CNTN5: variants seen among roughly 807,000 people sequenced by gnomAD.
CNTN5 encodes the protein contactin 5.
Under a neutral mutation model 129.1 loss-of-function variants are expected in CNTN5, and 77 were observed. That is an observed-to-expected ratio of 0.60 (90% confidence interval 0.50 to 0.72). CNTN5 has a LOEUF of 0.72. CNTN5 is among the 30% of genes least tolerant of loss of function. The probability of loss-of-function intolerance (pLI) is 0.00; values close to 1 mark genes in which losing one functional copy is unlikely to be tolerated. For synonymous variants in CNTN5, 509 were observed against 465.6 expected (o/e 1.09, Z -1.20); for missense variants, 1,478 against 1,328.8 (o/e 1.11, Z -1.75).
In CNTN5 at chr11:99,702,024, G is replaced by A. The variant is rs533493895; in HGVS notation, c.56-117520G>A. Among the ~76,000 whole-genome samples, 3 of 151,030 alleles carry A rather than the reference G, an allele frequency of 2.0e-5. No homozygotes were observed. In the East Asian group the frequency reaches 5.8e-4, roughly 29 times the overall value. On this transcript the variant is annotated intron_variant, in intron 3 of 24. Coordinates refer to ENST00000524871, the MANE Select transcript of CNTN5 (RefSeq NM_014361.4). ...CAGTCACAGTCCTTATTTATTTACT[G>A]CATTTTTGTGAGTTTTTGTTAATCA...
intron 1 of CNTN5, among the ~76,000 whole-genome samples, chr11:99,064,860 C>A (rs1427396730): frequency 6.6e-6 from 1 of 151,806 alleles, no homozygotes; most frequent in African/African-American, 2.4e-5. Flanking sequence ...TTAAAAATTA[C>A]CTTACAATTT....
In CNTN5 at chr11:99,727,556, A is replaced by G. The variant is rs569498789; in HGVS notation, c.56-91988A>G. On this transcript the variant is annotated intron_variant, in intron 3 of 24. Coordinates refer to ENST00000524871, the MANE Select transcript of CNTN5 (RefSeq NM_014361.4). ...AAGCATCAAATTTTCCTGGAACTCT[A>G]TATTTCCCATTTCCAAGTAGAACTT... Among the ~76,000 whole-genome samples, 33 of 151,982 alleles carry G rather than the reference A, an allele frequency of 2.2e-4. No individual in the cohort carries two copies. In the South Asian group the frequency reaches 5.8e-3, roughly 27 times the overall value.
At chr11:99,876,327 A>G (rs534681848) in intron 6 of CNTN5, among the ~76,000 whole-genome samples, 278 of 152,204 alleles carry the variant, frequency 1.8e-3, no homozygotes, top group African/African-American at 5.8e-3. Context: ...TCCGCTAACT[A>G]TACCTTTGTA....
intron 1 of CNTN5, among the ~76,000 whole-genome samples, chr11:99,081,295 A>T (rs1028805689): frequency 6.6e-5 from 10 of 152,062 alleles, no homozygotes; most frequent in Non-Finnish European, 1.5e-5. Context: ...TTCACAATTA[A>T]CTGTGGAGCT....
chr11:99,854,920 G>C (rs1444177335), intron 6 of CNTN5, among the ~76,000 whole-genome samples: 1 of 152,176 alleles, frequency 6.6e-6, no homozygotes, highest in Non-Finnish European at 1.5e-5. Context: ...TAGTGAAAGA[G>C]AGAAGAAAGG....
At chr11:99,055,945 G>T (rs992867381) in intron 1 of CNTN5, among the ~76,000 whole-genome samples, 1 of 151,772 alleles carries the variant, frequency 6.6e-6, no homozygotes, top group African/African-American at 2.4e-5. Flanking sequence ...CAATTTCAAG[G>T]CTTGCATGCT....
At chr11:99,886,208 T>G (rs1948898160) in intron 6 of CNTN5, among the ~76,000 whole-genome samples, 1 of 152,028 alleles carries the variant, frequency 6.6e-6, no homozygotes. Context: ...CATATTCAGT[T>G]GCATTCATAT....
At chr11:99,346,346 T>C (rs1043364696) in intron 2 of CNTN5, among the ~76,000 whole-genome samples, 5 of 152,250 alleles carry the variant, frequency 3.3e-5, no homozygotes, top group Admixed American at 2.6e-4. Context: ...AAAGTGTCTA[T>C]ATGGTATTGC....
At chr11:100,089,100 T>C (rs943692740) in intron 13 of CNTN5, among the ~76,000 whole-genome samples, 1 of 152,186 alleles carries the variant, frequency 6.6e-6, no homozygotes, top group African/African-American at 2.4e-5. Context: ...ATAAATGTGA[T>C]TCATATGTTT....
intron 1 of CNTN5, among the ~76,000 whole-genome samples, chr11:99,211,844 A>G (rs917729224): frequency 6.6e-6 from 1 of 152,152 alleles, no homozygotes; most frequent in Non-Finnish European, 1.5e-5. Context: ...TTTTTAAAAA[A>G]GTTATCTTCT....
chr11:99,654,263 C>A (rs746368618), intron 3 of CNTN5, among the ~76,000 whole-genome samples: 15 of 152,018 alleles, frequency 9.9e-5, no homozygotes, highest in Non-Finnish European at 2.1e-4. Context: ...ATTTATGGAG[C>A]TAAAATATAT....
chr11:100,256,056 G>C, intron 17 of CNTN5, 138 bp downstream of exon 17: 2 of 780,938 alleles, frequency 2.6e-6, no homozygotes, highest in South Asian at 4.4e-5. Flanking sequence ...ACAATTCTTT[G>C]CTTCTTTTTA....
At chr11:99,311,794 G>C (rs1032469884) in intron 1 of CNTN5, among the ~76,000 whole-genome samples, 1 of 152,088 alleles carries the variant, frequency 6.6e-6, no homozygotes, top group Non-Finnish European at 1.5e-5. Flanking sequence ...TATTAATTGT[G>C]TATATAATAT....
chr11:99,973,052 A>T (rs990563557), intron 8 of CNTN5, among the ~76,000 whole-genome samples: 1 of 152,028 alleles, frequency 6.6e-6, no homozygotes, highest in Non-Finnish European at 1.5e-5. Context: ...GGTTGCCTAA[A>T]AAAAGGTGAA....
intron 1 of CNTN5, among the ~76,000 whole-genome samples, chr11:99,033,917 G>C (rs1279547182): frequency 6.6e-6 from 1 of 150,618 alleles, no homozygotes; most frequent in African/African-American, 2.4e-5. Flanking sequence ...GTCATAGATA[G>C]CTCTTATTAT....
At chr11:99,825,755 T>C (rs1210925600) in intron 4 of CNTN5, among the ~76,000 whole-genome samples, 1 of 152,140 alleles carries the variant, frequency 6.6e-6, no homozygotes, top group Non-Finnish European at 1.5e-5. Context: ...TCAATCTAGT[T>C]GTTATTTCCT....
At chr11:100,152,059 G>T (rs1947079408) in intron 13 of CNTN5, among the ~76,000 whole-genome samples, 1 of 152,112 alleles carries the variant, frequency 6.6e-6, no homozygotes, top group Non-Finnish European at 1.5e-5. Flanking sequence ...ATTCCTGGAG[G>T]AAATAAGCAA....
intron 6 of CNTN5, 143 bp from the exon 7 acceptor site, chr11:99,915,911 A>G: frequency 1.6e-6 from 1 of 618,538 alleles, no homozygotes; most frequent in Admixed American, 2.7e-5. Flanking sequence ...TGATGTAGAT[A>G]TATGTTAAAG....
intron 2 of CNTN5, among the ~76,000 whole-genome samples, chr11:99,494,765 T>C (rs1326286512): frequency 6.6e-6 from 1 of 152,120 alleles, no homozygotes; most frequent in Non-Finnish European, 1.5e-5. Flanking sequence ...CAAGTAAAGG[T>C]GTCGTTTGAT....
Sources: allele counts gnomAD v4.1 joint callset (sites outside exome capture counted in the v4.1 genomes callset), GRCh38; gene constraint gnomAD v4.1.1; transcripts MANE v1.5; gene names NCBI Gene and HGNC (gene_info 2026-07-23, HGNC 2026-07-21).